The following CSGALNACT1 variants were observed in gnomAD, a reference collection of about 807,000 sequenced individuals.
The protein encoded by CSGALNACT1 is beta4GalNAcT-1.
A neutral mutation model predicts 51.0 loss-of-function variants in CSGALNACT1; 52 were observed. The observed-to-expected ratio is 1.02, with a 90% confidence interval of 0.82 to 1.29. CSGALNACT1 has a LOEUF of 1.29. CSGALNACT1 is among the 50% of genes most tolerant of loss of function. The pLI is 0.00. For synonymous variants in CSGALNACT1, 341 were observed against 254.4 expected, an observed-to-expected ratio of 1.34 and a Z score of -3.24; for missense variants, 935 against 679.2, an observed-to-expected ratio of 1.38 and a Z score of -4.19.
At chr8:19,744,392 A>G (rs529939633) in intron 1 of CSGALNACT1, among the ~76,000 whole-genome samples, 4 of 152,232 alleles carry the variant, frequency 2.6e-5, no homozygotes, top group South Asian at 4.1e-4. Context: ...CTCAAAAACC[A>G]TATTTTCTTA....
At chr8:19,439,842 T>C (rs62496176) in exon 6 of CSGALNACT1, 6 of 1,612,646 alleles carry the variant, frequency 3.7e-6, no homozygotes, top group Admixed American at 3.3e-5. Flanking sequence ...GGAAGTGTTT[T>C]CAAGTATTCC....
intron 1 of CSGALNACT1, among the ~76,000 whole-genome samples, chr8:19,745,248 C>T (rs1361957733): frequency 2.0e-5 from 3 of 152,298 alleles, no homozygotes; most frequent in African/African-American, 7.2e-5. Flanking sequence ...GAAAAACGAG[C>T]CTTAATTTAA....
chr8:19,589,326 T>TTTTG (rs541715944), intron 3 of CSGALNACT1, among the ~76,000 whole-genome samples: 4 of 152,266 alleles, frequency 2.6e-5, no homozygotes, highest in African/African-American at 9.6e-5. Flanking sequence ...TTAGGAAGGT[T>TTTTG]TTTGTTTGTT....
chr8:19,613,232 A>T (rs544577194), intron 1 of CSGALNACT1, among the ~76,000 whole-genome samples: 2 of 152,138 alleles, frequency 1.3e-5, no homozygotes, highest in South Asian at 4.1e-4. Flanking sequence ...ACTCTCACCT[A>T]TTTTCAAAAA....
intron 1 of CSGALNACT1, among the ~76,000 whole-genome samples, chr8:19,630,706 G>C (rs990653272): frequency 6.6e-6 from 1 of 152,142 alleles, no homozygotes; most frequent in African/African-American, 2.4e-5. Context: ...TTTCCAGAAT[G>C]TCATATAGTT....
Position 19,477,299 on chromosome 8 carries a change from A to G in CSGALNACT1, c.635-18657T>C, listed in dbSNP as rs1738013307. Among the ~76,000 whole-genome samples, 3 of 152,196 alleles carry G rather than the reference A, an allele frequency of 2.0e-5. No individual in the cohort carries two copies. The South Asian group carries it at 6.2e-4, about 32-fold the overall frequency. ...AGTGGGGGTTCCCTGTGTAGGACAA[A>G]GATTTTCCTCAGAAAAAAGTTCTGG... On this transcript the variant is annotated intron_variant, in intron 4 of 9. Transcript: ENST00000454498.
chr8:19,532,681 C>T (rs922081651), intron 3 of CSGALNACT1, among the ~76,000 whole-genome samples: 11 of 152,152 alleles, frequency 7.2e-5, no homozygotes, highest in Admixed American at 5.2e-4. Flanking sequence ...TCCAGTCATA[C>T]GAGTACTCAG....
At chr8:19,407,696 T>G (rs1035001030) in intron 9 of CSGALNACT1, among the ~76,000 whole-genome samples, 2 of 152,116 alleles carry the variant, frequency 1.3e-5, no homozygotes, top group South Asian at 4.1e-4. Flanking sequence ...CTCTCTGTGC[T>G]CTAGAAAACC....
intron 3 of CSGALNACT1, among the ~76,000 whole-genome samples, chr8:19,574,688 C>T (rs906832222): frequency 2.0e-5 from 3 of 152,110 alleles, no homozygotes; most frequent in Non-Finnish European, 4.4e-5. Context: ...AGCCCTACTG[C>T]CATTCCACAA....
chr8:19,533,217 A>T (rs2083122509), intron 3 of CSGALNACT1, among the ~76,000 whole-genome samples: 1 of 152,134 alleles, frequency 6.6e-6, no homozygotes. Context: ...TTTGGGATCA[A>T]GCGATCCTCT....
intron 1 of CSGALNACT1, among the ~76,000 whole-genome samples, chr8:19,679,279 C>A (rs4922081): frequency 0.38 from 57,130 of 151,428 alleles, 11,157 homozygotes; most frequent in East Asian, 0.64. Context: ...ATGATAAACC[C>A]CCGTTTCTAC....
chr8:19,667,020 G>GAAAGAAAGAAAAGA, intron 1 of CSGALNACT1, among the ~76,000 whole-genome samples: 1 of 27,296 alleles, frequency 3.7e-5, no homozygotes, highest in South Asian at 1.3e-3. Context: ...AGAAAGAAAG[G>GAAAGAAAGAAAAGA]AAGGAAGGAA....
At chr8:19,575,189 C>T (rs773726288) in intron 3 of CSGALNACT1, among the ~76,000 whole-genome samples, 4 of 152,186 alleles carry the variant, frequency 2.6e-5, no homozygotes, top group Non-Finnish European at 5.9e-5. Context: ...CACCTCTCCT[C>T]TATAACCAGG....
intron 4 of CSGALNACT1, among the ~76,000 whole-genome samples, chr8:19,496,287 G>C (rs73667664): frequency 1.3e-5 from 2 of 152,124 alleles, no homozygotes; most frequent in South Asian, 4.2e-4. Flanking sequence ...ATCAGATCAC[G>C]GGATCCGAGG....
chr8:19,643,016 G>A (rs947270969), intron 1 of CSGALNACT1, among the ~76,000 whole-genome samples: 3 of 151,968 alleles, frequency 2.0e-5, no homozygotes, highest in Admixed American at 2.0e-4. Flanking sequence ...CCAACCTTCT[G>A]GATGGGAGAT....
At chr8:19,604,337 A>G (rs575861901), upstream of CSGALNACT1, among the ~76,000 whole-genome samples, 18 of 152,336 alleles carry the variant, frequency 1.2e-4, 1 homozygote, top group South Asian at 3.5e-3. Context: ...TCAACAGCAC[A>G]TCCATAATGT....
chr8:19,457,605 T>C lies in CSGALNACT1; in HGVS notation c.851+821A>G, dbSNP rs1437604567. 7 of 1,166,594 alleles carry C rather than the reference T, an allele frequency of 6.0e-6. No individual in the cohort carries two copies. The Admixed American group carries it at 1.6e-4, about 27-fold the overall frequency. The allele number at this position is 1,166,594 out of a possible 1,614,324, so 72.3% of individuals were successfully genotyped here. ...TCCAGCCTGGGTGACAGAGTAAGAC[T>C]CCATCTCAAAAAAAAAGAAATAAAA... On this transcript the variant is annotated intron_variant, in intron 5 of 9. Transcript: ENST00000454498.
At chr8:19,653,441 A>G (rs2057999129) in intron 1 of CSGALNACT1, among the ~76,000 whole-genome samples, 2 of 151,980 alleles carry the variant, frequency 1.3e-5, no homozygotes. Flanking sequence ...CCTACCCTGC[A>G]CCCTCATCCA....
upstream of CSGALNACT1, among the ~76,000 whole-genome samples, chr8:19,603,530 T>C (rs1337621093): frequency 6.6e-6 from 1 of 152,222 alleles, no homozygotes. Flanking sequence ...AACGCAGCAA[T>C]GCCTAAGTGG....
Sources: gnomAD v4.1 joint callset for allele counts (sites outside exome capture counted in the v4.1 genomes callset) on GRCh38, gnomAD v4.1.1 for gene constraint, MANE v1.5 for transcripts, NCBI Gene and HGNC (gene_info 2026-07-23, HGNC 2026-07-21) for gene names.